The following PTPRD variants were observed in gnomAD, a reference collection of about 807,000 sequenced individuals.
The protein encoded by PTPRD is protein tyrosine phosphatase receptor type D.
In PTPRD, 34 loss-of-function variants were observed where a neutral mutation model predicts 214.5. The ratio of observed to expected loss-of-function variants is 0.16; its 90% CI spans 0.12 to 0.21. The LOEUF is 0.21. PTPRD is among the 10% of genes least tolerant of loss of function. The probability of loss-of-function intolerance (pLI) is 1.00; values close to 1 mark genes in which losing one functional copy is unlikely to be tolerated. For missense variants in PTPRD, 2,545 were observed against 2,398.7 expected (o/e 1.06, Z -1.27); for synonymous variants, 1,128 against 845.7 (o/e 1.33, Z -5.79).
intron 5 of PTPRD, among the ~76,000 whole-genome samples, chr9:9,789,032 C>A (rs922998591): frequency 6.6e-6 from 1 of 152,178 alleles, no homozygotes; most frequent in Non-Finnish European, 1.5e-5. Flanking sequence ...ATCAGCCTAC[C>A]TGACACATTA....
At chr9:9,523,069 A>G (rs2097027898) in intron 8 of PTPRD, among the ~76,000 whole-genome samples, 1 of 152,202 alleles carries the variant, frequency 6.6e-6, no homozygotes. Flanking sequence ...ATGTTGTTAA[A>G]AACATACAAA....
At chr9:8,602,052 C>G (rs1351533354) in intron 14 of PTPRD, among the ~76,000 whole-genome samples, 3 of 152,010 alleles carry the variant, frequency 2.0e-5, no homozygotes, top group Non-Finnish European at 4.4e-5. Context: ...GTCACTTACA[C>G]TTAGCAATGT....
At chr9:9,033,942 G>A (rs936415845) in intron 10 of PTPRD, among the ~76,000 whole-genome samples, 4 of 151,990 alleles carry the variant, frequency 2.6e-5, no homozygotes, top group Non-Finnish European at 4.4e-5. Context: ...TCACTCAGGG[G>A]GAAACTCCAT....
At chr9:9,826,804 CAA>C (rs1478833405) in intron 5 of PTPRD, among the ~76,000 whole-genome samples, 2 of 152,058 alleles carry the variant, frequency 1.3e-5, no homozygotes, top group African/African-American at 4.8e-5. Flanking sequence ...GCAACTTCAG[CAA>C]AGTCTCAGGA....
chr9:10,358,788 T>C (rs2097324648), intron 2 of PTPRD, among the ~76,000 whole-genome samples: 1 of 151,968 alleles, frequency 6.6e-6, no homozygotes, highest in South Asian at 2.1e-4. Context: ...AAAATTAATA[T>C]CATTAAAATA....
intron 14 of PTPRD, among the ~76,000 whole-genome samples, chr9:8,551,985 C>G (rs779416143): frequency 6.6e-6 from 1 of 152,164 alleles, no homozygotes; most frequent in Non-Finnish European, 1.5e-5. Context: ...TCTGGCTGTA[C>G]TTCAATTGTA....
At chr9:10,507,280 G>A (rs1449723758) in intron 2 of PTPRD, among the ~76,000 whole-genome samples, 1 of 151,944 alleles carries the variant, frequency 6.6e-6, no homozygotes, top group Non-Finnish European at 1.5e-5. Flanking sequence ...ACAAACCACT[G>A]CTCAATGAAA....
intron 6 of PTPRD, among the ~76,000 whole-genome samples, chr9:9,757,367 A>G (rs2098597175): frequency 6.6e-6 from 1 of 152,208 alleles, no homozygotes; most frequent in African/African-American, 2.4e-5. Flanking sequence ...GCAATTTTTA[A>G]CACAGCAGCT....
At chr9:8,923,626 A>G (rs1215634264) in intron 11 of PTPRD, among the ~76,000 whole-genome samples, 2 of 152,214 alleles carry the variant, frequency 1.3e-5, no homozygotes, top group Non-Finnish European at 2.9e-5. Context: ...AAATGCAAAA[A>G]AAAGTTACTC....
intron 4 of PTPRD, among the ~76,000 whole-genome samples, chr9:9,959,341 A>G (rs2094183439): frequency 6.6e-6 from 1 of 152,152 alleles, no homozygotes; most frequent in Non-Finnish European, 1.5e-5. Flanking sequence ...CCTCGAGAGG[A>G]AGGAAGAGGG....
At chr9:8,515,425 T>A (rs2097766427) in intron 21 of PTPRD, among the ~76,000 whole-genome samples, 1 of 152,220 alleles carries the variant, frequency 6.6e-6, no homozygotes, top group African/African-American at 2.4e-5. Context: ...TATACCCTGT[T>A]ATGAATTTTA....
chr9:10,438,381 C>T (rs765496793), intron 2 of PTPRD, among the ~76,000 whole-genome samples: 42 of 151,608 alleles, frequency 2.8e-4, no homozygotes, highest in African/African-American at 8.0e-4. Context: ...TTTTGACTTA[C>T]GATGGGTTTA....
intron 8 of PTPRD, among the ~76,000 whole-genome samples, chr9:9,413,178 A>G (rs1042448082): frequency 1.6e-5 from 2 of 122,382 alleles, no homozygotes; most frequent in South Asian, 2.9e-4. Context: ...GCAGTGGCGC[A>G]ATCTCGGCTC....
intron 12 of PTPRD, among the ~76,000 whole-genome samples, chr9:8,673,308 G>C (rs1344962510): frequency 6.6e-6 from 1 of 152,066 alleles, no homozygotes; most frequent in Non-Finnish European, 1.5e-5. Flanking sequence ...TTCTCATGTT[G>C]TCACCTATTT....
At chr9:8,443,659 T>G (rs1487139303) in intron 34 of PTPRD, among the ~76,000 whole-genome samples, 1 of 152,088 alleles carries the variant, frequency 6.6e-6, no homozygotes, top group East Asian at 1.9e-4. Flanking sequence ...AACACTATAG[T>G]TTTGGTTTTG....
intron 12 of PTPRD, among the ~76,000 whole-genome samples, chr9:8,682,672 A>G (rs10511506): frequency 0.1 from 15,826 of 152,230 alleles, 1,041 homozygotes; most frequent in South Asian, 0.15. Flanking sequence ...TTCTTAAAAC[A>G]TTGAACAGAA....
At chr9:10,505,698 A>C (rs57863399) in intron 2 of PTPRD, among the ~76,000 whole-genome samples, 10,813 of 152,140 alleles carry the variant, frequency 0.071, 452 homozygotes, top group Middle Eastern at 0.092. Context: ...AAAAAAAAAA[A>C]AACTGCAGAT....
At chr9:10,022,352 T>C (rs999933676) in intron 4 of PTPRD, among the ~76,000 whole-genome samples, 1 of 137,024 alleles carries the variant, frequency 7.3e-6, no homozygotes, top group African/African-American at 2.8e-5. Flanking sequence ...CTGTTACTTA[T>C]TTCTGATACA....
intron 2 of PTPRD, among the ~76,000 whole-genome samples, chr9:10,390,019 G>C (rs528510360): frequency 1.1e-4 from 16 of 151,736 alleles, no homozygotes; most frequent in Admixed American, 9.9e-4. Context: ...ATAATTTTCT[G>C]TTTTTTCTTT....
Sources: allele counts gnomAD v4.1 joint callset (sites outside exome capture counted in the v4.1 genomes callset), GRCh38; gene constraint gnomAD v4.1.1; transcripts MANE v1.5; gene names NCBI Gene and HGNC (gene_info 2026-07-23, HGNC 2026-07-21).